Variants in UNC5D observed in about 807,000 individuals in gnomAD.
UNC5D encodes the protein unc-5 netrin receptor D, also known as netrin receptor UNC5D.
Under a neutral mutation model 105.4 loss-of-function variants are expected in UNC5D, and 39 were observed. The ratio of observed to expected loss-of-function variants is 0.37; its 90% CI spans 0.29 to 0.48. The LOEUF (loss-of-function observed/expected upper bound fraction) is 0.48, where lower values mean the gene tolerates loss of function less well. UNC5D is among the 20% of genes least tolerant of loss of function. The pLI is 0.98. For missense variants in UNC5D, 991 were observed against 1,202.4 expected (o/e 0.82, Z 2.60); for synonymous variants, 452 against 450.4 (o/e 1.00, Z -0.04).
intron 1 of UNC5D, among the ~76,000 whole-genome samples, chr8:35,276,713 C>T (rs1031543038): frequency 1.3e-5 from 2 of 152,140 alleles, no homozygotes; most frequent in Admixed American, 6.6e-5. Context: ...GTCTCACTAG[C>T]CTCCATAGCA....
chr8:35,274,769 AT>A (rs1396754493), intron 1 of UNC5D, among the ~76,000 whole-genome samples: 2 of 152,220 alleles, frequency 1.3e-5, no homozygotes, highest in Non-Finnish European at 2.9e-5. Context: ...ACCCAAGAAC[AT>A]TTTTGTTGGC....
chr8:35,486,766 C>A (rs1387785792), intron 1 of UNC5D, among the ~76,000 whole-genome samples: 1 of 152,160 alleles, frequency 6.6e-6, no homozygotes, highest in Non-Finnish European at 1.5e-5. Flanking sequence ...TCACACATTT[C>A]TATTTTCATC....
At chr8:35,690,131 A>G (rs1306852691) in intron 7 of UNC5D, among the ~76,000 whole-genome samples, 1 of 152,080 alleles carries the variant, frequency 6.6e-6, no homozygotes, top group Non-Finnish European at 1.5e-5. Flanking sequence ...CATTGTATGC[A>G]TATTAGTATA....
chr8:35,525,572 T>C, intron 1 of UNC5D: 1 of 1,612,982 alleles, frequency 6.2e-7, no homozygotes. Context: ...TTTCCACTTC[T>C]GAAACATACT....
intron 8 of UNC5D, among the ~76,000 whole-genome samples, chr8:35,709,629 G>C (rs1413044867): frequency 6.6e-6 from 1 of 152,190 alleles, no homozygotes; most frequent in African/African-American, 2.4e-5. Context: ...GGTGGAGGTT[G>C]CAGTGAGCCG....
At chr8:35,350,371 G>A (rs374688894) in intron 1 of UNC5D, among the ~76,000 whole-genome samples, 7 of 151,986 alleles carry the variant, frequency 4.6e-5, no homozygotes, top group African/African-American at 1.4e-4. Flanking sequence ...TACTGAAGTG[G>A]GTCTCCCTTA....
intron 1 of UNC5D, among the ~76,000 whole-genome samples, chr8:35,511,814 G>A (rs1008381499): frequency 6.6e-6 from 1 of 152,118 alleles, no homozygotes; most frequent in Non-Finnish European, 1.5e-5. Context: ...GCCGTCCTGG[G>A]CTGCATGTAG....
At chr8:35,358,455 G>A (rs1801677392) in intron 1 of UNC5D, among the ~76,000 whole-genome samples, 1 of 152,084 alleles carries the variant, frequency 6.6e-6, no homozygotes, top group African/African-American at 2.4e-5. Context: ...GAGAACACAG[G>A]GAGGGGAATA....
chr8:35,375,648 G>A (rs1585698819), intron 1 of UNC5D, among the ~76,000 whole-genome samples: 1 of 152,118 alleles, frequency 6.6e-6, no homozygotes. Flanking sequence ...CAACATTTGA[G>A]AGAAAGCAAT....
intron 8 of UNC5D, among the ~76,000 whole-genome samples, chr8:35,720,633 G>C (rs1828524627): frequency 1.3e-5 from 2 of 152,150 alleles, no homozygotes; most frequent in Admixed American, 1.3e-4. Context: ...ACACATGACA[G>C]AGGCACACGT....
Position 35,334,468 on chromosome 8 carries a change from C to T in UNC5D, c.103+98581C>T, listed in dbSNP as rs145149890. 2.1e-3 allele frequency among the ~76,000 whole-genome samples: 317 copies of T among 151,882 alleles called. 2 individuals are homozygous for T. Among genetic ancestry groups the T allele is most frequent in the African/African-American group, 7.1e-3 (295 of 41,422 alleles). ...TAAGGGCATAAATTTTGGAGTTAGA[C>T]TACTTAGATTTTTTTTTTGGTATAA... On this transcript the variant is annotated intron_variant, in intron 1 of 16. Transcript: ENST00000404895.
intron 1 of UNC5D, among the ~76,000 whole-genome samples, chr8:35,377,657 G>A (rs115907190): frequency 0.012 from 1,821 of 152,230 alleles, 38 homozygotes; most frequent in African/African-American, 0.043. Context: ...TGTTTACATA[G>A]AAAGGTGACA....
rs535378633 is a variant in UNC5D, at chr8:35,557,336, T to A, written c.322+7826T>A. ...CGGTGCTTCTGAGGAATACGTGGAG[T>A]GCTTATTATCCTGGGAAAACAAAAG... On this transcript the variant is annotated intron_variant, in intron 2 of 16. Coordinates refer to ENST00000404895, the MANE Select transcript of UNC5D (RefSeq NM_080872.4). Among the ~76,000 whole-genome samples the A allele has an allele frequency of 2.0e-5, 3 of 152,224 alleles. No individual in the cohort carries two copies. In the South Asian group the frequency reaches 6.2e-4, roughly 32 times the overall value.
chr8:35,375,722 C>T (rs1039591423), intron 1 of UNC5D, among the ~76,000 whole-genome samples: 6 of 152,158 alleles, frequency 3.9e-5, no homozygotes, highest in Non-Finnish European at 5.9e-5. Flanking sequence ...AGCTGCATTT[C>T]ATGGAGTCGG....
chr8:35,770,379 C>T (rs1563750133), intron 15 of UNC5D, among the ~76,000 whole-genome samples: 1 of 152,114 alleles, frequency 6.6e-6, no homozygotes. Flanking sequence ...AGCCTCATCC[C>T]TGACATATCC....
intron 6 of UNC5D, 105 bp downstream of exon 6, chr8:35,684,854 G>T (rs1455560865): frequency 4.3e-6 from 6 of 1,391,484 alleles, no homozygotes; most frequent in Non-Finnish European, 5.7e-6. Flanking sequence ...CCTCTCCCAA[G>T]TTCTTAGAAT....
chr8:35,307,243 A>G (rs755987345), intron 1 of UNC5D, among the ~76,000 whole-genome samples: 4 of 152,330 alleles, frequency 2.6e-5, no homozygotes, highest in South Asian at 2.1e-4. Flanking sequence ...AGCTTGGCCT[A>G]TCCCATAAGA....
At chr8:35,447,205 A>C (rs546304052) in intron 1 of UNC5D, among the ~76,000 whole-genome samples, 1 of 152,268 alleles carries the variant, frequency 6.6e-6, no homozygotes, top group South Asian at 2.1e-4. Flanking sequence ...AGAAAACATC[A>C]GTATTTTGTA....
At chr8:35,423,392 T>C (rs983944123) in intron 1 of UNC5D, among the ~76,000 whole-genome samples, 3 of 152,190 alleles carry the variant, frequency 2.0e-5, no homozygotes, top group Non-Finnish European at 2.9e-5. Flanking sequence ...TCCTCCTTCC[T>C]GCCAAGTCAG....
Sources: gnomAD v4.1 joint callset for allele counts (sites outside exome capture counted in the v4.1 genomes callset) on GRCh38, gnomAD v4.1.1 for gene constraint, MANE v1.5 for transcripts, NCBI Gene and HGNC (gene_info 2026-07-23, HGNC 2026-07-21) for gene names.